Variants in CDH13 observed in about 807,000 individuals in gnomAD.
CDH13 encodes the protein cadherin 13.
In CDH13, 24 loss-of-function variants were observed where a neutral mutation model predicts 63.8. That is an observed-to-expected ratio of 0.38 (90% CI 0.27 to 0.53). CDH13 has a LOEUF of 0.53. Ranked by LOEUF, CDH13 falls within the 20% of genes least tolerant of loss-of-function variation. The pLI is 0.85. For missense variants in CDH13, 1,049 were observed against 903.1 expected, an observed-to-expected ratio of 1.16 and a Z score of -2.07; for synonymous variants, 503 against 355.3, an observed-to-expected ratio of 1.42 and a Z score of -4.67.
At chr16:82,942,642 G>A (rs1904304796) in intron 2 of CDH13, among the ~76,000 whole-genome samples, 1 of 152,176 alleles carries the variant, frequency 6.6e-6, no homozygotes, top group Non-Finnish European at 1.5e-5. Flanking sequence ...TGTGAACCAT[G>A]CTGTATGTGC....
intron 13 of CDH13, among the ~76,000 whole-genome samples, chr16:83,794,140 T>G (rs1409894538): frequency 1.3e-5 from 2 of 152,132 alleles, no homozygotes; most frequent in Non-Finnish European, 2.9e-5. Context: ...TCAACACTGA[T>G]TTGAGCCCCA....
intron 7 of CDH13, among the ~76,000 whole-genome samples, chr16:83,536,745 C>G (rs897264492): frequency 2.0e-5 from 3 of 152,070 alleles, no homozygotes; most frequent in Non-Finnish European, 4.4e-5. Flanking sequence ...CATATTGGTT[C>G]AAACAAGAGA....
rs141741803 is a variant in CDH13, at chr16:83,047,332, C to G, written c.366+15114C>G. 2.6e-3 allele frequency among the ~76,000 whole-genome samples: 396 copies of G among 152,278 alleles called. 4 individuals are homozygous for G. The highest frequency in any genetic ancestry group is 9.1e-3 in the African/African-American group (376 of 41,546). The stretch of plus-strand genomic sequence containing the variant: ...TATTTCTGTCCTTGCATTGTCCATT[C>G]TCGTAAACCGTGGTTAACACAGATA... On this transcript the variant is annotated intron_variant, in intron 3 of 13. Coordinates refer to ENST00000567109, the MANE Select transcript of CDH13 (RefSeq NM_001257.5). This position sits in a 1 kb window ranked among gnomAD's most constrained non-coding sequence, Gnocchi z 4.9.
chr16:83,338,684 G>T (rs2090654987), intron 5 of CDH13, among the ~76,000 whole-genome samples: 1 of 152,230 alleles, frequency 6.6e-6, no homozygotes, highest in African/African-American at 2.4e-5. Flanking sequence ...TCTGAAGGAT[G>T]AATAGCGGCA....
chr16:82,804,279 AC>A (rs1567552179), intron 1 of CDH13, among the ~76,000 whole-genome samples: 1 of 34,348 alleles, frequency 2.9e-5, no homozygotes, highest in East Asian at 1.0e-3. Flanking sequence ...ATCTTGCTAC[AC>A]ACACACACAC....
At chr16:83,621,241 G>C (rs147371672) in intron 8 of CDH13, among the ~76,000 whole-genome samples, 11 of 152,250 alleles carry the variant, frequency 7.2e-5, no homozygotes, top group Non-Finnish European at 1.6e-4. Flanking sequence ...AGGCATTTCT[G>C]CCGGATTCAG....
At chr16:83,163,935 T>G (rs2037554206) in intron 4 of CDH13, among the ~76,000 whole-genome samples, 1 of 152,144 alleles carries the variant, frequency 6.6e-6, no homozygotes, top group South Asian at 2.1e-4. Context: ...AATAATAAAA[T>G]GTATTAATTA....
intron 4 of CDH13, among the ~76,000 whole-genome samples, chr16:83,179,488 A>AAAAAAAAAAAAAAAAAT (rs2038260467): frequency 1.4e-5 from 2 of 147,096 alleles, no homozygotes; most frequent in African/African-American, 5.0e-5. Flanking sequence ...TACTAAAAAA[A>AAAAAAAAAAAAAAAAAT]AAAAAAAAAA....
At chr16:83,245,225 C>A (rs999318840) in intron 5 of CDH13, among the ~76,000 whole-genome samples, 1 of 152,146 alleles carries the variant, frequency 6.6e-6, no homozygotes, top group Non-Finnish European at 1.5e-5. Context: ...TTATCTGGCT[C>A]TCTGCCACCC....
At chr16:83,250,434 G>A (rs181511566) in intron 5 of CDH13, among the ~76,000 whole-genome samples, 11 of 152,234 alleles carry the variant, frequency 7.2e-5, no homozygotes, top group Admixed American at 1.3e-4. Context: ...CCAGAATTTC[G>A]GGGCGTGATG....
chr16:83,449,210 C>T (rs958228784), intron 6 of CDH13, among the ~76,000 whole-genome samples: 2 of 152,176 alleles, frequency 1.3e-5, no homozygotes, highest in African/African-American at 2.4e-5. Context: ...TATGTCTTCT[C>T]ATTTATAATG....
intron 1 of CDH13, among the ~76,000 whole-genome samples, chr16:82,652,360 A>G (rs1211717509): frequency 6.6e-6 from 1 of 152,208 alleles, no homozygotes; most frequent in Non-Finnish European, 1.5e-5. Context: ...TGTTCATGAC[A>G]AGATGAGAAG....
At chr16:82,705,532 T>C (rs2031420194) in intron 1 of CDH13, among the ~76,000 whole-genome samples, 1 of 152,204 alleles carries the variant, frequency 6.6e-6, no homozygotes, top group Non-Finnish European at 1.5e-5. Context: ...ATTTGAGCAG[T>C]AGGAATTTCA....
intron 2 of CDH13, among the ~76,000 whole-genome samples, chr16:82,969,842 C>A (rs968434067): frequency 2.0e-5 from 3 of 152,160 alleles, no homozygotes; most frequent in African/African-American, 7.2e-5. Flanking sequence ...CTAGCAAACT[C>A]TTCTCTCCAG....
At chr16:83,360,722 T>A (rs935560640) in intron 6 of CDH13, among the ~76,000 whole-genome samples, 9 of 152,196 alleles carry the variant, frequency 5.9e-5, no homozygotes, top group Admixed American at 5.9e-4. Context: ...TGGTCTTCTG[T>A]TCCTGCATTA....
intron 3 of CDH13, among the ~76,000 whole-genome samples, chr16:83,124,132 G>A (rs200004124): frequency 1.3e-5 from 2 of 151,996 alleles, no homozygotes; most frequent in East Asian, 3.9e-4. Context: ...TGCACTGTCC[G>A]CCTCCTGGGT....
At chr16:83,362,547 T>A (rs1396555461) in intron 6 of CDH13, among the ~76,000 whole-genome samples, 3 of 152,220 alleles carry the variant, frequency 2.0e-5, no homozygotes, top group Admixed American at 6.5e-5. Context: ...TCAAATTCTT[T>A]ATCCCATTCC....
intron 10 of CDH13, among the ~76,000 whole-genome samples, chr16:83,716,804 C>T (rs1908978841): frequency 6.6e-6 from 1 of 152,126 alleles, no homozygotes. Flanking sequence ...TGATTGTTTA[C>T]TTGGGTAGGT....
At chr16:83,020,661 G>A (rs968507439) in intron 2 of CDH13, among the ~76,000 whole-genome samples, 4 of 152,172 alleles carry the variant, frequency 2.6e-5, no homozygotes, top group African/African-American at 4.8e-5. Flanking sequence ...ATGGATCCAT[G>A]GGGCTGGCCT....
Sources: allele counts gnomAD v4.1 joint callset (sites outside exome capture counted in the v4.1 genomes callset), GRCh38; gene constraint gnomAD v4.1.1; non-coding constraint Gnocchi (gnomAD v3.1); transcripts MANE v1.5; gene names NCBI Gene and HGNC (gene_info 2026-07-23, HGNC 2026-07-21).